VPS36: variants seen among roughly 807,000 people sequenced by gnomAD.
VPS36 encodes the protein vacuolar protein sorting 36 homolog, also known as vacuolar protein-sorting-associated protein 36.
A neutral mutation model predicts 63.5 loss-of-function variants in VPS36; 31 were observed. The ratio of observed to expected loss-of-function variants is 0.49; its 90% CI spans 0.37 to 0.66. The LOEUF is 0.66. Among genes scored for constraint, VPS36 ranks in the 30% least tolerant of loss-of-function variants. VPS36 has a pLI of 0.00. For missense variants in VPS36, 338 were observed against 463.7 expected, an observed-to-expected ratio of 0.73 and a Z score of 2.49; for synonymous variants, 138 against 157.2, an observed-to-expected ratio of 0.88 and a Z score of 0.91.
chr13:52,417,843 T>G, intron 11 of VPS36, 149 bp downstream of exon 11: 1 of 605,596 alleles, frequency 1.7e-6, no homozygotes, highest in Non-Finnish European at 2.8e-6. Flanking sequence ...TGTTAGGACA[T>G]GCCCAGCCCT....
At chr13:52,441,148 CT>C (rs1005440280) in intron 2 of VPS36, among the ~76,000 whole-genome samples, 3 of 152,136 alleles carry the variant, frequency 2.0e-5, no homozygotes, top group African/African-American at 7.2e-5. Flanking sequence ...TTGGGGACCC[CT>C]GCTCTAAGGC....
At chr13:52,450,128 G>A (rs529719259) in intron 1 of VPS36, 2 of 995,508 alleles carry the variant, frequency 2.0e-6, no homozygotes, top group East Asian at 1.1e-4. Flanking sequence ...CTGGAACCAC[G>A]CCAAGGAAGT....
chr13:52,417,194 T>C (rs1958002344), intron 11 of VPS36, 53 bp from the exon 12 acceptor site: 1 of 1,508,292 alleles, frequency 6.6e-7, no homozygotes, highest in Non-Finnish European at 9.2e-7. Flanking sequence ...GATATTCAAC[T>C]GCTGAAAAGG....
intron 10 of VPS36, among the ~76,000 whole-genome samples, chr13:52,419,175 C>G (rs983671643): frequency 3.3e-5 from 5 of 152,154 alleles, no homozygotes; most frequent in African/African-American, 1.2e-4. Context: ...ACTGGGTGAG[C>G]CATTTGCATG....
At chr13:52,423,493 C>A in intron 10 of VPS36, 81 bp downstream of exon 10, 1 of 1,244,368 alleles carries the variant, frequency 8.0e-7, no homozygotes, top group Non-Finnish European at 1.2e-6. Context: ...ATATTCACAA[C>A]CCTTCCTCAA....
At chr13:52,450,356 C>A in intron 1 of VPS36, 143 bp downstream of exon 1, 1 of 1,224,186 alleles carries the variant, frequency 8.2e-7, no homozygotes, top group Non-Finnish European at 1.0e-6. Flanking sequence ...CGCTGCACCC[C>A]GCACAGAGGC....
At chr13:52,429,020 C>G (rs1455848879) in intron 6 of VPS36, among the ~76,000 whole-genome samples, 1 of 151,862 alleles carries the variant, frequency 6.6e-6, no homozygotes, top group South Asian at 2.1e-4. Flanking sequence ...AATTAGTCAA[C>G]TATCAAAAAA....
At chr13:52,448,827 C>T (rs1486067567) in intron 1 of VPS36, among the ~76,000 whole-genome samples, 1 of 152,204 alleles carries the variant, frequency 6.6e-6, no homozygotes, top group Non-Finnish European at 1.5e-5. Flanking sequence ...AGTGCTCCCT[C>T]AGGGAGTGGC....
At chr13:52,441,974 G>C (rs1173211799) in intron 2 of VPS36, among the ~76,000 whole-genome samples, 2 of 152,120 alleles carry the variant, frequency 1.3e-5, no homozygotes, top group Non-Finnish European at 2.9e-5. Flanking sequence ...TTTAGATATA[G>C]AGTAGAATTT....
intron 11 of VPS36, among the ~76,000 whole-genome samples, chr13:52,417,438 G>A (rs759379845): frequency 6.6e-6 from 1 of 152,084 alleles, no homozygotes; most frequent in Non-Finnish European, 1.5e-5. Flanking sequence ...TTGGCTCACC[G>A]CAACCTCCGC....
intron 2 of VPS36, among the ~76,000 whole-genome samples, chr13:52,441,055 G>A (rs1958271227): frequency 6.6e-6 from 1 of 152,162 alleles, no homozygotes; most frequent in Non-Finnish European, 1.5e-5. Context: ...AGCTCCGGTG[G>A]TAATGCTTGC....
At position 52,412,952 on chromosome 13, in the gene VPS36, T is replaced by A. The variant is rs929995415; in HGVS notation, c.*2878A>T. 2 of 152,668 alleles carry A rather than the reference T, an allele frequency of 1.3e-5. No homozygotes were observed. Among genetic ancestry groups the A allele is most frequent in the Non-Finnish European group, 2.9e-5 (2 of 68,042 alleles). 9.5% of individuals were successfully genotyped at this position (152,668 alleles called of 1,614,324 possible). On this transcript the variant is annotated 3_prime_UTR_variant, in exon 14 of 14. Coordinates refer to ENST00000378060, the MANE Select transcript of VPS36 (RefSeq NM_016075.4). ...GCAGTTTGTATTTTTGTACTTAATA[T>A]AAGCATAATATATTCATACCTACAT... is the stretch of plus-strand genomic sequence containing the variant.
At chr13:52,429,886 A>G (rs1421605442) in intron 6 of VPS36, among the ~76,000 whole-genome samples, 1 of 152,206 alleles carries the variant, frequency 6.6e-6, no homozygotes, top group Non-Finnish European at 1.5e-5. Flanking sequence ...TGAGAATGCA[A>G]GAGCCCCAAG....
chr13:52,445,657 G>T lies in VPS36; in HGVS notation c.97-3212C>A, dbSNP rs1295415669. Among the ~76,000 whole-genome samples the T allele has an allele frequency of 4.9e-3, 601 of 122,544 alleles. 4 individuals are homozygous for T. Among genetic ancestry groups the T allele is most frequent in the African/African-American group, 0.011 (343 of 30,858 alleles). 80.4% of individuals were successfully genotyped at this position (122,544 alleles called of 152,430 possible). A position where few individuals can be genotyped will look rare whatever the true frequency, so the allele number is the denominator to read the frequency against. On this transcript the variant is annotated intron_variant, in intron 1 of 13. Coordinates refer to ENST00000378060, the MANE Select transcript of VPS36 (RefSeq NM_016075.4). ...CCGTCTCAAAAAAAAAAAAAAAAAGGCCGGGCGCAGTGGCTCACGCCTGTA... is the reference window on the plus strand; with the variant it reads ...CCGTCTCAAAAAAAAAAAAAAAAAGTCCGGGCGCAGTGGCTCACGCCTGTA...
chr13:52,416,411 C>G, intron 12 of VPS36: 1 of 241,866 alleles, frequency 4.1e-6, no homozygotes, highest in Non-Finnish European at 7.9e-6. Flanking sequence ...GTAACAAATT[C>G]TGAGTACATA....
At chr13:52,433,624 T>C in intron 6 of VPS36, 38 bp downstream of exon 6, 1 of 1,493,332 alleles carries the variant, frequency 6.7e-7, no homozygotes, top group South Asian at 1.2e-5. Context: ...TAGACACAAA[T>C]GGCTGGAATA....
chr13:52,423,680 A>G, intron 9 of VPS36, 41 bp from the exon 10 acceptor site: 1 of 1,503,352 alleles, frequency 6.7e-7, no homozygotes, highest in South Asian at 1.2e-5. Context: ...TTATGTTACA[A>G]TTACACCAGT....
intron 6 of VPS36, among the ~76,000 whole-genome samples, 183 bp from the exon 7 acceptor site, chr13:52,427,402 G>A (rs908909687): frequency 2.0e-5 from 3 of 152,090 alleles, no homozygotes; most frequent in Non-Finnish European, 4.4e-5. Context: ...TCAGGAGATC[G>A]AGACCATCCT....
At chr13:52,427,165 A>C (rs1958110235) in intron 7 of VPS36, 22 bp downstream of exon 7, 2 of 1,610,840 alleles carry the variant, frequency 1.2e-6, no homozygotes, top group Admixed American at 3.3e-5. Context: ...GTATGAATTT[A>C]ATAGGCATAA....
Sources: allele counts gnomAD v4.1 joint callset (sites outside exome capture counted in the v4.1 genomes callset), GRCh38; gene constraint gnomAD v4.1.1; transcripts MANE v1.5; gene names NCBI Gene and HGNC (gene_info 2026-07-23, HGNC 2026-07-21).